The following RGS13 variants were observed in gnomAD, a reference collection of about 807,000 sequenced individuals.
RGS13 encodes regulator of G protein signaling 13, also known as regulator of G-protein signalling 13.
Under a neutral mutation model 19.9 loss-of-function variants are expected in RGS13, and 14 were observed. That is an observed-to-expected ratio of 0.70 (90% CI 0.46 to 1.10). The LOEUF is 1.10. Ranked by LOEUF, RGS13 falls within the 50% of genes least tolerant of loss-of-function variation. RGS13 has a pLI of 0.00. For synonymous variants in RGS13, 60 were observed against 56.8 expected (o/e 1.06, Z -0.25); for missense variants, 205 against 187.1 (o/e 1.10, Z -0.56).
At chr1:192,655,519 C>A (rs1048633552) in intron 5 of RGS13, among the ~76,000 whole-genome samples, 2 of 151,920 alleles carry the variant, frequency 1.3e-5, no homozygotes, top group South Asian at 2.1e-4. Context: ...GGAAATAGAA[C>A]CACATGATAG....
intron 5 of RGS13, 122 bp from the exon 6 acceptor site, chr1:192,658,079 T>C: frequency 1.5e-6 from 1 of 657,756 alleles, no homozygotes; most frequent in Non-Finnish European, 2.6e-6. Flanking sequence ...GAGATAGATA[T>C]AAAATATTTA....
At chr1:192,652,970 T>G (rs962569578) in intron 5 of RGS13, among the ~76,000 whole-genome samples, 3 of 151,980 alleles carry the variant, frequency 2.0e-5, no homozygotes, top group African/African-American at 7.3e-5. Context: ...AAATAATAGA[T>G]TTTTGCTTTA....
At position 192,651,029 on chromosome 1, in the gene RGS13, A is replaced by T. The variant is rs148373653; in HGVS notation, c.127+3042A>T. Among the ~76,000 whole-genome samples the T allele has an allele frequency of 5.9e-4, 90 of 152,088 alleles. 3 individuals are homozygous for T. The highest frequency in any genetic ancestry group is 2.6e-3 in the Admixed American group (40 of 15,236). ...GTCACAGGGCTGTGAGACCACTGAG[A>T]GGGAGAGTTCAGATAGAGGAAAACA... On this transcript the variant is annotated intron_variant, in intron 5 of 6. Transcript: ENST00000391995.
At chr1:192,654,318 T>G (rs1663398027) in intron 5 of RGS13, among the ~76,000 whole-genome samples, 1 of 151,356 alleles carries the variant, frequency 6.6e-6, no homozygotes, top group African/African-American at 2.4e-5. Context: ...CAGCCATAAA[T>G]AACAAATATT....
chr1:192,644,239 A>T, intron 3 of RGS13, 92 bp from the exon 4 acceptor site: 2 of 889,790 alleles, frequency 2.2e-6, no homozygotes, highest in Middle Eastern at 3.5e-4. Context: ...TTTTTTTATG[A>T]TTTATAATAT....
At chr1:192,646,047 G>A (rs1663215277) in intron 4 of RGS13, 1 of 152,044 alleles carries the variant, frequency 6.6e-6, no homozygotes, top group South Asian at 2.1e-4. Context: ...GTTATTTTAG[G>A]TTACTTTTTC....
chr1:192,638,715 T>C (rs1414429948), intron 3 of RGS13, among the ~76,000 whole-genome samples: 3 of 152,242 alleles, frequency 2.0e-5, no homozygotes, highest in African/African-American at 7.2e-5. Context: ...ATAGTCTATT[T>C]ATTCTATGCA....
intron 5 of RGS13, among the ~76,000 whole-genome samples, chr1:192,651,538 G>A (rs1457672775): frequency 6.6e-6 from 1 of 152,084 alleles, no homozygotes; most frequent in Non-Finnish European, 1.5e-5. Context: ...GGAAGAAACT[G>A]ATGACACAGA....
chr1:192,644,223 C>A, intron 3 of RGS13, 108 bp from the exon 4 acceptor site: 1 of 738,906 alleles, frequency 1.4e-6, no homozygotes, highest in Non-Finnish European at 2.1e-6. Context: ...TTCAAGAGCC[C>A]ATCTTTTTTT....
At chr1:192,643,394 A>G (rs1663159246) in intron 3 of RGS13, among the ~76,000 whole-genome samples, 1 of 152,136 alleles carries the variant, frequency 6.6e-6, no homozygotes, top group Admixed American at 6.5e-5. Context: ...ATGACTCTTA[A>G]CAAATTTGTT....
chr1:192,657,281 G>A (rs911384445), intron 5 of RGS13, among the ~76,000 whole-genome samples: 1 of 149,608 alleles, frequency 6.7e-6, no homozygotes, highest in South Asian at 2.2e-4. Flanking sequence ...TATGCGAAGA[G>A]AATTTCTAGT....
chr1:192,643,014 C>A (rs1386879343), intron 3 of RGS13, among the ~76,000 whole-genome samples: 1 of 152,078 alleles, frequency 6.6e-6, no homozygotes, highest in African/African-American at 2.4e-5. Flanking sequence ...CATGAGTCAA[C>A]ATGACCAGCT....
At chr1:192,641,302 G>GAAAGA (rs1165179310) in intron 3 of RGS13, among the ~76,000 whole-genome samples, 10 of 125,210 alleles carry the variant, frequency 8.0e-5, no homozygotes, top group African/African-American at 2.2e-4. Flanking sequence ...AAGAAAGAAA[G>GAAAGA]AAAGAAAAGA....
Position 192,652,602 on chromosome 1 carries a change from A to ATT in RGS13, c.127+4624_127+4625dup, listed in dbSNP as rs553757326. Among the ~76,000 whole-genome samples, 466 of 150,480 alleles carry ATT rather than the reference A, an allele frequency of 3.1e-3. 11 individuals carry two copies. The highest frequency in any genetic ancestry group is 0.025 in the East Asian group (126 of 5,118). ...ATAGACATCACTGTCCAATTAGTAC[A>ATT]TTTTTTTTTTGGTATTGCTTTCAGA... On this transcript the variant is annotated intron_variant, in intron 5 of 6. Coordinates refer to ENST00000391995, the MANE Select transcript of RGS13 (RefSeq NM_002927.5).
chr1:192,640,406 T>G (rs558155460), intron 3 of RGS13, among the ~76,000 whole-genome samples: 13 of 152,262 alleles, frequency 8.5e-5, no homozygotes, highest in African/African-American at 2.9e-4. Context: ...TAGAAAAAGG[T>G]TTTTATTTTC....
At chr1:192,638,806 A>C (rs943888874) in intron 3 of RGS13, among the ~76,000 whole-genome samples, 1 of 152,120 alleles carries the variant, frequency 6.6e-6, no homozygotes, top group African/African-American at 2.4e-5. Context: ...CTGCAATTTA[A>C]TCATTGATGC....
chr1:192,657,038 C>T lies in RGS13; in HGVS notation c.128-1163C>T, dbSNP rs562734959. Among the ~76,000 whole-genome samples the T allele has an allele frequency of 5.2e-4, 79 of 152,108 alleles. 1 individual carries two copies. Among genetic ancestry groups the T allele is most frequent in the African/African-American group, 1.5e-3 (63 of 41,546 alleles). ...CAAGATAGTGTTAATCAAAATCCTA[C>T]GCTTTTGGAGGTGATAGATATGTTT... On this transcript the variant is annotated intron_variant, in intron 5 of 6. Transcript: ENST00000391995.
intron 4 of RGS13, chr1:192,644,708 C>A (rs927147602): frequency 1.9e-4 from 39 of 206,788 alleles, no homozygotes; most frequent in African/African-American, 8.3e-4. Flanking sequence ...AAAATATTTT[C>A]TTGGTTCCAA....
intron 3 of RGS13, among the ~76,000 whole-genome samples, chr1:192,641,228 GAAAGAAAGAAAGAAAGA>G (rs1160073387): frequency 7.5e-4 from 22 of 29,496 alleles, no homozygotes; most frequent in African/African-American, 1.0e-3. Flanking sequence ...AAGAGAGAAA[GAAAGAAAGAAAGAAAGA>G]AAAGAAAGAA....
Sources: gnomAD v4.1 joint callset for allele counts (sites outside exome capture counted in the v4.1 genomes callset) on GRCh38, gnomAD v4.1.1 for gene constraint, MANE v1.5 for transcripts, NCBI Gene and HGNC (gene_info 2026-07-23, HGNC 2026-07-21) for gene names.